The following CNTN4 variants were observed in gnomAD, a reference collection of about 807,000 sequenced individuals.
CNTN4 encodes contactin 4, also known as contactin-4.
Under a neutral mutation model 122.5 loss-of-function variants are expected in CNTN4, and 77 were observed. The observed-to-expected ratio is 0.63, with a 90% CI of 0.52 to 0.76. The LOEUF (loss-of-function observed/expected upper bound fraction) is 0.76, where lower values mean the gene tolerates loss of function less well. Among genes scored for constraint, CNTN4 ranks in the 30% least tolerant of loss-of-function variants. The pLI, the probability that CNTN4 is intolerant of heterozygous loss-of-function variation, is 0.00. For missense variants in CNTN4, 1,256 were observed against 1,259.1 expected, an observed-to-expected ratio of 1.00 and a Z score of 0.04; for synonymous variants, 512 against 447.0, an observed-to-expected ratio of 1.15 and a Z score of -1.83.
At chr3:2,202,720 C>G (rs1178897699) in intron 2 of CNTN4, among the ~76,000 whole-genome samples, 1 of 152,064 alleles carries the variant, frequency 6.6e-6, no homozygotes, top group East Asian at 1.9e-4. Flanking sequence ...AATAATGAAA[C>G]TTGAACTTTA....
intron 2 of CNTN4, among the ~76,000 whole-genome samples, chr3:2,234,241 G>C (rs1471757014): frequency 6.6e-6 from 1 of 151,864 alleles, no homozygotes; most frequent in Non-Finnish European, 1.5e-5. Context: ...AGCTGGGCAT[G>C]GTAACGCACA....
intron 11 of CNTN4, among the ~76,000 whole-genome samples, chr3:2,901,129 A>G (rs1559639819): frequency 6.6e-6 from 1 of 152,222 alleles, no homozygotes; most frequent in African/African-American, 2.4e-5. Flanking sequence ...AAAGGAACAT[A>G]CATTCCAGCA....
chr3:2,468,701 A>C (rs1314739976), intron 3 of CNTN4, among the ~76,000 whole-genome samples: 1 of 151,936 alleles, frequency 6.6e-6, no homozygotes, highest in Non-Finnish European at 1.5e-5. Flanking sequence ...GACCTAGGTT[A>C]ATTTTTTTTT....
At chr3:2,430,279 G>A (rs748665768) in intron 3 of CNTN4, among the ~76,000 whole-genome samples, 22 of 151,954 alleles carry the variant, frequency 1.4e-4, no homozygotes, top group East Asian at 5.8e-4. Context: ...AAAATTAGCC[G>A]GGCGTGGTGG....
intron 2 of CNTN4, among the ~76,000 whole-genome samples, chr3:2,218,834 A>G (rs1477238184): frequency 6.6e-6 from 1 of 152,158 alleles, no homozygotes. Flanking sequence ...GGTTTATCAG[A>G]TTTTCCTAGA....
intron 13 of CNTN4, among the ~76,000 whole-genome samples, chr3:2,929,318 A>G (rs1051329988): frequency 3.3e-5 from 5 of 152,236 alleles, no homozygotes; most frequent in Non-Finnish European, 7.3e-5. Flanking sequence ...ATTTACTGTT[A>G]GTTTTTAGAC....
intron 2 of CNTN4, among the ~76,000 whole-genome samples, chr3:2,245,562 A>G (rs1440255419): frequency 2.0e-5 from 3 of 152,082 alleles, no homozygotes; most frequent in Non-Finnish European, 4.4e-5. Flanking sequence ...ACTATTCTTC[A>G]GAAGTATAGA....
At chr3:2,179,603 A>G (rs185669826) in intron 2 of CNTN4, among the ~76,000 whole-genome samples, 1 of 151,834 alleles carries the variant, frequency 6.6e-6, no homozygotes, top group African/African-American at 2.4e-5. Context: ...CTGAACTTTT[A>G]TTTTTCTCAT....
chr3:2,550,165 A>AT (rs560129467), intron 3 of CNTN4, among the ~76,000 whole-genome samples: 44 of 152,086 alleles, frequency 2.9e-4, no homozygotes, highest in Middle Eastern at 3.4e-3. Context: ...GGAGTCATTG[A>AT]TTTTTTGAAG....
intron 3 of CNTN4, among the ~76,000 whole-genome samples, chr3:2,563,272 T>TAA (rs2149440582): frequency 6.6e-6 from 1 of 152,264 alleles, no homozygotes; most frequent in Admixed American, 6.5e-5. Flanking sequence ...AAACTATACA[T>TAA]AAAAAGAACG....
At chr3:2,267,167 G>T (rs2041087620) in intron 2 of CNTN4, among the ~76,000 whole-genome samples, 2 of 152,054 alleles carry the variant, frequency 1.3e-5, no homozygotes, top group African/African-American at 2.4e-5. Context: ...TACGATTGTG[G>T]TGTGTAGAAA....
chr3:2,202,020 T>G (rs2038120532), intron 2 of CNTN4, among the ~76,000 whole-genome samples: 1 of 152,150 alleles, frequency 6.6e-6, no homozygotes, highest in African/African-American at 2.4e-5. Context: ...TTTTAGTATC[T>G]CCAACTAGAA....
At chr3:2,627,661 T>G (rs1321156752) in intron 4 of CNTN4, among the ~76,000 whole-genome samples, 1 of 151,528 alleles carries the variant, frequency 6.6e-6, no homozygotes, top group South Asian at 2.1e-4. Context: ...GCCTGGCTAA[T>G]TTTTTGTATT....
At chr3:2,273,770 C>G (rs563549419) in intron 2 of CNTN4, among the ~76,000 whole-genome samples, 12 of 152,242 alleles carry the variant, frequency 7.9e-5, no homozygotes, top group Non-Finnish European at 1.5e-4. Context: ...GCATAACACA[C>G]CTGGTATTAA....
At chr3:2,120,436 C>G (rs1253182698) in intron 2 of CNTN4, among the ~76,000 whole-genome samples, 3 of 125,882 alleles carry the variant, frequency 2.4e-5, no homozygotes, top group African/African-American at 9.8e-5. Flanking sequence ...CAGAGTCTCA[C>G]TCTGTCGCCG....
chr3:2,314,821 CAATT>C (rs1354078780), intron 2 of CNTN4, among the ~76,000 whole-genome samples: 1 of 151,786 alleles, frequency 6.6e-6, no homozygotes, highest in Non-Finnish European at 1.5e-5. Flanking sequence ...AATGACATAT[CAATT>C]AAGCAGCAAA....
intron 3 of CNTN4, among the ~76,000 whole-genome samples, chr3:2,487,297 C>G (rs1173470889): frequency 6.6e-6 from 1 of 152,142 alleles, no homozygotes; most frequent in Non-Finnish European, 1.5e-5. Flanking sequence ...TATATTTGCT[C>G]TTACAACTAT....
At chr3:2,309,867 A>G (rs113028750) in intron 2 of CNTN4, among the ~76,000 whole-genome samples, 6 of 152,320 alleles carry the variant, frequency 3.9e-5, no homozygotes, top group African/African-American at 1.2e-4. Context: ...GACCAGCTCA[A>G]TTCTGGCATG....
At chr3:2,624,612 T>C (rs916133441) in intron 4 of CNTN4, among the ~76,000 whole-genome samples, 1 of 151,018 alleles carries the variant, frequency 6.6e-6, no homozygotes, top group East Asian at 1.9e-4. Context: ...TGGCTCTTAA[T>C]TGGAATTTCT....
Sources: allele counts gnomAD v4.1 joint callset (sites outside exome capture counted in the v4.1 genomes callset), GRCh38; gene constraint gnomAD v4.1.1; transcripts MANE v1.5; gene names NCBI Gene and HGNC (gene_info 2026-07-23, HGNC 2026-07-21).